Variants in MECOM observed in about 807,000 individuals in gnomAD.
The protein encoded by MECOM is MDS1 and EVI1 complex locus.
MECOM carries 13 observed loss-of-function variants against 116.3 expected under a neutral mutation model. The observed-to-expected ratio is 0.11, with a 90% CI of 0.07 to 0.18. The LOEUF is 0.18. Among genes scored for constraint, MECOM ranks in the 10% least tolerant of loss-of-function variants. The pLI is 1.00. For missense variants in MECOM, 1,299 were observed against 1,509.0 expected (o/e 0.86, Z 2.31); for synonymous variants, 528 against 535.2 (o/e 0.99, Z 0.19).
At chr3:169,192,979 T>G (rs1337507582) in intron 2 of MECOM, among the ~76,000 whole-genome samples, 2 of 151,982 alleles carry the variant, frequency 1.3e-5, no homozygotes, top group Non-Finnish European at 2.9e-5. Flanking sequence ...CCTATTCCAT[T>G]CAGACATTTT....
At position 169,441,744 on chromosome 3, in the gene MECOM, T is replaced by TTTTTTTTTTTTTTG. The variant is rs1237906532; in HGVS notation, c.38-60221_38-60220insCAAAAAAAAAAAAA. On this transcript the variant is annotated intron_variant, in intron 1 of 16. Coordinates refer to ENST00000651503, the MANE Select transcript of MECOM (RefSeq NM_004991.4). Reference sequence around the variant, plus strand: ...TCTTCTCTTCTTTTTTTTTTTTTTTTAAAAAAGGGGGGGTCTTGCTCTGTC... The same window carrying TTTTTTTTTTTTTTG: ...TCTTCTCTTCTTTTTTTTTTTTTTTTTTTTTTTTTTTTTGAAAAAAGGGGGGGTCTTGCTCTGTC... Among the ~76,000 whole-genome samples, 14 of 142,092 alleles carry TTTTTTTTTTTTTTG rather than the reference T, an allele frequency of 9.9e-5. 1 individual carries two copies. Among genetic ancestry groups the TTTTTTTTTTTTTTG allele is most frequent in the Non-Finnish European group, 1.7e-4 (11 of 63,428 alleles). 93.2% of individuals were successfully genotyped at this position (142,092 alleles called of 152,430 possible).
At chr3:169,168,332 G>C (rs1743921954) in intron 2 of MECOM, among the ~76,000 whole-genome samples, 1 of 132,590 alleles carries the variant, frequency 7.5e-6, no homozygotes, top group Non-Finnish European at 1.7e-5. Context: ...ACCACACTTG[G>C]CCTGCTTTTT....
intron 2 of MECOM, among the ~76,000 whole-genome samples, chr3:169,283,101 T>C (rs1712477743): frequency 1.3e-5 from 2 of 152,184 alleles, no homozygotes; most frequent in Admixed American, 1.3e-4. Flanking sequence ...TCTCTATCTC[T>C]CTCTAGTAAC....
At position 169,121,141 on chromosome 3, in the gene MECOM, T is replaced by C. The variant is rs772314374; in HGVS notation, c.1047A>G (p.Ala349=). 4 of 1,613,562 alleles carry C rather than the reference T, an allele frequency of 2.5e-6. No homozygotes were observed. Among genetic ancestry groups the C allele is most frequent in the South Asian group, 1.1e-5 (1 of 90,952 alleles). ...CAAACGTTTTGCCACACTCCGGGCA[T>C]GCATGGGCCCGGGCACCGACATGCT... ...RSQHVGARAH[A]CPECGKTFAT... Residue 349 remains alanine, a synonymous_variant, in exon 7 of 17, where the codon GCA becomes GCG. Transcript: ENST00000651503.
chr3:169,179,621 C>T (rs1407149748), intron 2 of MECOM, among the ~76,000 whole-genome samples: 1 of 152,128 alleles, frequency 6.6e-6, no homozygotes, highest in African/African-American at 2.4e-5. Context: ...TATCATGCCA[C>T]TAAAAGTTTT....
At chr3:169,143,651 A>G in intron 3 of MECOM, 47 bp downstream of exon 3, 1 of 1,484,412 alleles carries the variant, frequency 6.7e-7, no homozygotes. Context: ...GGCTCCAGTG[A>G]TACTTTTGTG....
At chr3:169,557,859 A>C (rs919324805) in intron 1 of MECOM, among the ~76,000 whole-genome samples, 2 of 152,208 alleles carry the variant, frequency 1.3e-5, no homozygotes, top group Non-Finnish European at 2.9e-5. Flanking sequence ...CTAGGACAAT[A>C]ATACTATTTC....
intron 1 of MECOM, among the ~76,000 whole-genome samples, chr3:169,610,996 A>G (rs1400568618): frequency 6.6e-6 from 1 of 152,196 alleles, no homozygotes; most frequent in East Asian, 1.9e-4. Context: ...TTAAGAGGAG[A>G]GTTTCCTAAA....
chr3:169,528,861 G>A (rs1363165134), intron 1 of MECOM, among the ~76,000 whole-genome samples: 3 of 152,200 alleles, frequency 2.0e-5, no homozygotes, highest in Non-Finnish European at 4.4e-5. Flanking sequence ...AAGTTATCCA[G>A]GAAGGGGAAT....
At chr3:169,089,331 A>G (rs1417810349) in intron 15 of MECOM, 148 bp from the exon 16 acceptor site, 1 of 483,772 alleles carries the variant, frequency 2.1e-6, no homozygotes, top group Non-Finnish European at 3.4e-6. Flanking sequence ...GGGTTTTTAT[A>G]AATACTTACA....
At chr3:169,214,826 A>G (rs1751221170) in intron 2 of MECOM, among the ~76,000 whole-genome samples, 1 of 148,378 alleles carries the variant, frequency 6.7e-6, no homozygotes, top group South Asian at 2.1e-4. Context: ...TATGTCTAGT[A>G]TCTATTTTAT....
chr3:169,215,227 T>C (rs1275469069), intron 2 of MECOM, among the ~76,000 whole-genome samples: 1 of 137,500 alleles, frequency 7.3e-6, no homozygotes, highest in African/African-American at 2.7e-5. Context: ...GTCTTTTTTT[T>C]CCCCCTCCTC....
chr3:169,327,443 G>T (rs1338959763), intron 2 of MECOM, among the ~76,000 whole-genome samples: 1 of 152,034 alleles, frequency 6.6e-6, no homozygotes, highest in Admixed American at 6.6e-5. Context: ...TTCGAGACCA[G>T]CCTGGCCAAC....
intron 1 of MECOM, among the ~76,000 whole-genome samples, chr3:169,644,217 C>T (rs1467063789): frequency 6.6e-6 from 1 of 151,710 alleles, no homozygotes; most frequent in East Asian, 1.9e-4. Flanking sequence ...CAGTTCCTCG[C>T]ATTTTATTTT....
At chr3:169,484,020 C>T (rs1225089662) in intron 1 of MECOM, 1 of 1,558,538 alleles carries the variant, frequency 6.4e-7, no homozygotes, top group African/African-American at 1.4e-5. Flanking sequence ...TTTTTGCCCC[C>T]AAAACCATTG....
At chr3:169,561,697 A>G (rs1409149126) in intron 1 of MECOM, among the ~76,000 whole-genome samples, 2 of 152,208 alleles carry the variant, frequency 1.3e-5, no homozygotes, top group Non-Finnish European at 2.9e-5. Context: ...TGTAATGTAA[A>G]ACACACACCA....
chr3:169,360,981 T>C (rs958622118), intron 2 of MECOM, among the ~76,000 whole-genome samples: 1 of 151,788 alleles, frequency 6.6e-6, no homozygotes, highest in African/African-American at 2.4e-5. Flanking sequence ...ACACTCTGGC[T>C]GAAGCCTGAG....
In MECOM at chr3:169,116,338, C is replaced by T. The variant is rs1179427179; in HGVS notation, c.1534G>A (p.Val512Ile). ...TGTTCAGTACTTGATAGTCCTTTAA[C>T]AGGAGAACTAGCAGGTATCAAAGGA... ...RPPLIPASSPVKGLSSTEQTN... is the reference protein window; with the variant it reads ...RPPLIPASSPIKGLSSTEQTN... Residue 512 changes from valine (V) to isoleucine (I), a missense_variant, in exon 8 of 17, where the codon GTT becomes ATT. Physicochemically the swap from Val to Ile is conservative, Grantham distance 29 (BLOSUM62 3). This residue lies in a region of MECOM where 238 missense variants were observed against 273.1 expected (regional missense o/e 0.87). Coordinates refer to ENST00000651503, the MANE Select transcript of MECOM (RefSeq NM_004991.4). 5 of 1,614,166 alleles carry T rather than the reference C, an allele frequency of 3.1e-6. No individual in the cohort carries two copies. The highest frequency in any genetic ancestry group is 1.6e-4 in the Middle Eastern group (1 of 6,062).
intron 1 of MECOM, among the ~76,000 whole-genome samples, chr3:169,628,995 C>G (rs1424745237): frequency 6.6e-6 from 1 of 152,072 alleles, no homozygotes; most frequent in Non-Finnish European, 1.5e-5. Context: ...AAGCAATATG[C>G]TGAAGCTAAG....
Sources: allele counts gnomAD v4.1 joint callset (sites outside exome capture counted in the v4.1 genomes callset), GRCh38; gene constraint gnomAD v4.1.1; regional missense constraint gnomAD v4.1.1; transcripts MANE v1.5; gene names NCBI Gene and HGNC (gene_info 2026-07-23, HGNC 2026-07-21).